Variants in SLC35G2 observed in about 807,000 individuals in gnomAD.
SLC35G2 encodes the protein transmembrane protein 22.
Under a neutral mutation model 27.2 loss-of-function variants are expected in SLC35G2, and 20 were observed. The ratio of observed to expected loss-of-function variants is 0.74; its 90% CI spans 0.52 to 1.07. SLC35G2 has a LOEUF of 1.07. SLC35G2 is among the 50% of genes least tolerant of loss of function. The pLI, the probability that SLC35G2 is intolerant of heterozygous loss-of-function variation, is 0.00. For synonymous variants in SLC35G2, 148 were observed against 165.3 expected, an observed-to-expected ratio of 0.90 and a Z score of 0.80; for missense variants, 416 against 493.3, an observed-to-expected ratio of 0.84 and a Z score of 1.48.
chr3:136,853,757 T>C lies in SLC35G2; in HGVS notation c.-18-686T>C, dbSNP rs913882887. 8.3e-4 allele frequency among the ~76,000 whole-genome samples: 126 copies of C among 152,136 alleles called. 1 individual carries two copies. The highest frequency in any genetic ancestry group is 2.4e-4 in the Non-Finnish European group (16 of 68,012). On this transcript the variant is annotated intron_variant, in intron 1 of 1. Coordinates refer to ENST00000446465, the MANE Select transcript of SLC35G2 (RefSeq NM_025246.3). ...ATGTAAAAAGCATCTTGTGATCATC[T>C]CTTTAGCATAAAATCTTAAAAGTGG...
Position 136,854,578 on chromosome 3 carries a change from G to T in SLC35G2, c.118G>T (p.Glu40Ter). The change falls in exon 2 of 2, where the codon GAA becomes TAA. Residue 40 changes from glutamate to a stop codon, truncating the protein, a stop_gained. Coordinates refer to ENST00000446465, the MANE Select transcript of SLC35G2 (RefSeq NM_025246.3). LOFTEE classifies it high-confidence loss of function. ...CCAGCCTGGCGATGATGGATATGAA[G>T]AAATCAATGAAGGCTATGGAAATTT... Reference protein sequence around the residue: ...YPQPGDDGYEEINEGYGNFME... With the variant: ...YPQPGDDGYE 1 of 1,612,996 alleles carries T rather than the reference G, an allele frequency of 6.2e-7. No homozygotes were observed. The highest frequency in any genetic ancestry group is 8.5e-7 in the Non-Finnish European group (1 of 1,179,792).
chr3:136,841,209 A>G (rs1251834344), intron 1 of SLC35G2, among the ~76,000 whole-genome samples: 1 of 152,066 alleles, frequency 6.6e-6, no homozygotes, highest in African/African-American at 2.4e-5. Context: ...GGCTATGGAA[A>G]TAAAAGTTAG....
Position 136,845,602 on chromosome 3 carries a change from A to ATT in SLC35G2, c.-18-8829_-18-8828dup, listed in dbSNP as rs34810175. Among the ~76,000 whole-genome samples, 616 of 148,752 alleles carry ATT rather than the reference A, an allele frequency of 4.1e-3. 3 individuals are homozygous for ATT. Among genetic ancestry groups the ATT allele is most frequent in the African/African-American group, 8.8e-3 (356 of 40,618 alleles). ...GCTGCAGTTATGCCCTAAAAATTTA[A>ATT]TTTTTTTTTTTTTGAGACAGAGTCT... On this transcript the variant is annotated intron_variant, in intron 1 of 1. Coordinates refer to ENST00000446465, the MANE Select transcript of SLC35G2 (RefSeq NM_025246.3).
rs74948506 is a variant in SLC35G2, at chr3:136,844,711, T to C, written c.-18-9732T>C. Reference sequence around the variant, plus strand: ...GCTACTCGTGAGGCTGAGGCACGAATTGCTTGAACCTGGGAGGTGGAAGTT... The same window carrying C: ...GCTACTCGTGAGGCTGAGGCACGAACTGCTTGAACCTGGGAGGTGGAAGTT... On this transcript the variant is annotated intron_variant, in intron 1 of 1. Coordinates refer to ENST00000446465, the MANE Select transcript of SLC35G2 (RefSeq NM_025246.3). Among the ~76,000 whole-genome samples, 690 of 149,372 alleles carry C rather than the reference T, an allele frequency of 4.6e-3. 9 individuals carry two copies. Among genetic ancestry groups the C allele is most frequent in the African/African-American group, 0.017 (672 of 40,376 alleles).
intron 1 of SLC35G2, among the ~76,000 whole-genome samples, chr3:136,845,869 C>T (rs1317966552): frequency 4.0e-5 from 6 of 148,938 alleles, no homozygotes; most frequent in Non-Finnish European, 5.9e-5. Context: ...GCTGGGATGA[C>T]GGGCGTGAGC....
chr3:136,848,954 C>G (rs920991375), intron 1 of SLC35G2, among the ~76,000 whole-genome samples: 3 of 151,938 alleles, frequency 2.0e-5, no homozygotes, highest in Non-Finnish European at 4.4e-5. Context: ...CTGAGGCAGG[C>G]GGATCACCTG....
At chr3:136,824,946 C>T (rs1288048879) in intron 1 of SLC35G2, among the ~76,000 whole-genome samples, 1 of 152,096 alleles carries the variant, frequency 6.6e-6, no homozygotes, top group East Asian at 1.9e-4. Flanking sequence ...TGTTCCTCAC[C>T]CTGTGTCCAT....
At chr3:136,840,348 CTT>C (rs762937878) in intron 1 of SLC35G2, among the ~76,000 whole-genome samples, 1 of 152,232 alleles carries the variant, frequency 6.6e-6, no homozygotes, top group Non-Finnish European at 1.5e-5. Flanking sequence ...CACTTTTGTG[CTT>C]CCGTTAGTAC....
intron 1 of SLC35G2, among the ~76,000 whole-genome samples, chr3:136,847,074 G>T (rs1257708668): frequency 2.0e-5 from 3 of 152,130 alleles, no homozygotes; most frequent in East Asian, 3.8e-4. Context: ...GGCTGAGGGA[G>T]GCTGAGGCAG....
intron 1 of SLC35G2, among the ~76,000 whole-genome samples, chr3:136,843,642 T>C (rs898008675): frequency 2.0e-5 from 3 of 148,850 alleles, no homozygotes; most frequent in Non-Finnish European, 4.4e-5. Flanking sequence ...TGAGACCCTG[T>C]TTCAAAAAGG....
At chr3:136,836,672 A>G (rs902847198) in intron 1 of SLC35G2, among the ~76,000 whole-genome samples, 5 of 152,230 alleles carry the variant, frequency 3.3e-5, no homozygotes, top group Non-Finnish European at 7.3e-5. Context: ...GCATCAAGCC[A>G]AATGCTCTAC....
chr3:136,834,885 C>G (rs1051000707), intron 1 of SLC35G2, among the ~76,000 whole-genome samples: 1 of 152,148 alleles, frequency 6.6e-6, no homozygotes, highest in East Asian at 1.9e-4. Context: ...AAAGATAACT[C>G]TCTTATTATT....
chr3:136,855,116 C>T lies in SLC35G2; in HGVS notation c.656C>T (p.Ala219Val). 1 of 1,614,126 alleles carries T rather than the reference C, an allele frequency of 6.2e-7. No individual in the cohort carries two copies. The highest frequency in any genetic ancestry group is 8.5e-7 in the Non-Finnish European group (1 of 1,180,046). The change falls in exon 2 of 2, where the codon GCT becomes GTT. Residue 219 changes from alanine (A) to valine (V), a missense_variant. Ala to Val is a moderately conservative substitution (Grantham distance 64, BLOSUM62 0). Coordinates refer to ENST00000446465, the MANE Select transcript of SLC35G2 (RefSeq NM_025246.3). ...LAFLLVDEKM[A>V]YVDMATVVCS... ...TTTTTACTCGTAGATGAGAAAATGG[C>T]TTATGTTGACATGGCTACAGTTGTT... is the stretch of plus-strand genomic sequence containing the variant.
chr3:136,846,173 T>A (rs1322661262), intron 1 of SLC35G2, among the ~76,000 whole-genome samples: 1 of 152,156 alleles, frequency 6.6e-6, no homozygotes, highest in Non-Finnish European at 1.5e-5. Context: ...TGGACTAGCC[T>A]GCTACCCACT....
chr3:136,830,911 A>G lies in SLC35G2; in HGVS notation c.-19+11283A>G, dbSNP rs375958417. 3.4e-4 allele frequency among the ~76,000 whole-genome samples: 52 copies of G among 152,284 alleles called. No homozygotes were observed. In the East Asian group the frequency reaches 0.01, roughly 29 times the overall value. ...ATAGTTATAATTATATGTGAACTCAATCCACATACCTGCCATCTTTACTAA... is the reference window on the plus strand; with the variant it reads ...ATAGTTATAATTATATGTGAACTCAGTCCACATACCTGCCATCTTTACTAA... On this transcript the variant is annotated intron_variant, in intron 1 of 1. Transcript: ENST00000446465.
chr3:136,852,708 G>T (rs1576919894), intron 1 of SLC35G2, among the ~76,000 whole-genome samples: 1 of 151,960 alleles, frequency 6.6e-6, no homozygotes, highest in Admixed American at 6.6e-5. Context: ...GGCCAGGCAG[G>T]TCTCGAACTC....
intron 1 of SLC35G2, among the ~76,000 whole-genome samples, chr3:136,836,260 A>T (rs1936862944): frequency 1.3e-5 from 2 of 152,102 alleles, no homozygotes; most frequent in South Asian, 2.1e-4. Flanking sequence ...CTTCACCCTT[A>T]TTCTATTTGT....
rs569637718 is a variant in SLC35G2 at position 136,834,652 on chromosome 3, A to C, written c.-19+15024A>C. Among the ~76,000 whole-genome samples the C allele has an allele frequency of 2.6e-5, 4 of 152,294 alleles. No individual in the cohort carries two copies. In the East Asian group the frequency reaches 7.7e-4, roughly 29 times the overall value. ...TGTGTTTAAAATTCAGGACTTCATC[A>C]TCACCACCACCACTGTCTCACTATC... is the stretch of plus-strand genomic sequence containing the variant. On this transcript the variant is annotated intron_variant, in intron 1 of 1. Transcript: ENST00000446465.
At chr3:136,833,156 G>A (rs575334208) in intron 1 of SLC35G2, among the ~76,000 whole-genome samples, 9 of 152,164 alleles carry the variant, frequency 5.9e-5, no homozygotes, top group Non-Finnish European at 1.2e-4. Context: ...GAAAACCCAG[G>A]GGCTATTCAG....
Sources: gnomAD v4.1 joint callset for allele counts (sites outside exome capture counted in the v4.1 genomes callset) on GRCh38, gnomAD v4.1.1 for gene constraint, MANE v1.5 for transcripts, NCBI Gene and HGNC (gene_info 2026-07-23, HGNC 2026-07-21) for gene names.